The following ERCC2 variants were observed in gnomAD, a reference collection of about 807,000 sequenced individuals.
ERCC2 encodes general transcription and DNA repair factor IIH helicase subunit XPD.
ERCC2 carries 90 observed loss-of-function variants against 99.4 expected under a neutral mutation model. That is an observed-to-expected ratio of 0.91 (90% confidence interval 0.76 to 1.08). The LOEUF is 1.08. Among genes scored for constraint, ERCC2 ranks in the 50% least tolerant of loss-of-function variants. The pLI, the probability that ERCC2 is intolerant of heterozygous loss-of-function variation, is 0.00. For missense variants in ERCC2, 993 were observed against 1,038.1 expected (o/e 0.96, Z 0.60); for synonymous variants, 497 against 432.4 (o/e 1.15, Z -1.85).
intron 19 of ERCC2, 87 bp downstream of exon 19, chr19:45,352,996 T>C (rs1407339855): frequency 7.0e-7 from 1 of 1,438,510 alleles, no homozygotes; most frequent in African/African-American, 1.4e-5. Context: ...GGGTGGGTGG[T>C]TCCCCGCGGG....
chr19:45,370,195 C>T lies in ERCC2; in HGVS notation c.43G>A (p.Asp15Asn). 6.2e-7 allele frequency: 1 copy of T among 1,613,442 alleles called. No individual in the cohort carries two copies. The highest frequency in any genetic ancestry group is 8.5e-7 in the Non-Finnish European group (1 of 1,179,516). Residue 15 changes from aspartate to asparagine, a missense_variant, in exon 2 of 23, where the codon GAC (aspartate) becomes AAC (asparagine). Physicochemically the swap from Asp to Asn is conservative, Grantham distance 23. Around this residue, in one of 3 missense-constraint regions of ERCC2, gnomAD observed 55 missense variants for 45.1 expected, o/e 1.22. Transcript: ENST00000391945. ...VDGLLVYFPY[D>N]YIYPEQFSYM... is the part of the protein sequence containing the mutation. Reference sequence around the variant, plus strand: ...GAGAACTGCTCGGGGTAGATGTAGTCGTACGGGAAGTAGACCAGGAGCCCG... The same window carrying T: ...GAGAACTGCTCGGGGTAGATGTAGTTGTACGGGAAGTAGACCAGGAGCCCG...
At chr19:45,355,880 C>T in intron 15 of ERCC2, 152 bp from the exon 16 acceptor site, 1 of 707,206 alleles carries the variant, frequency 1.4e-6, no homozygotes, top group Non-Finnish European at 2.5e-6. Context: ...ATCTTGAACA[C>T]CTGGCCTCAA....
chr19:45,350,355 G>GA lies in ERCC2; in HGVS notation c.*1273dup. 6.2e-7 allele frequency: 1 copy of GA among 1,613,282 alleles called. No individual in the cohort carries two copies. The highest frequency in any genetic ancestry group is 8.5e-7 in the Non-Finnish European group (1 of 1,179,906). The stretch of plus-strand genomic sequence containing the variant: ...CTTCTCCGCAGGCCTCAGCCTACCT[G>GA]AAACAGAACAAGTATCAACAAGCGG... On this transcript the variant is annotated 3_prime_UTR_variant, in exon 23 of 23. Transcript: ENST00000391945.
Position 45,351,537 on chromosome 19 carries a change from C to T in ERCC2, c.*92G>A, listed in dbSNP as rs1377342205. 3 of 1,604,594 alleles carry T rather than the reference C, an allele frequency of 1.9e-6. No homozygotes were observed. The highest frequency in any genetic ancestry group is 2.7e-5 in the African/African-American group (2 of 74,906). The stretch of plus-strand genomic sequence containing the variant: ...GACAGTGAGAAATGTCACCTGACTT[C>T]ATAAGACCTTCTAGCACCACCGCCG... On this transcript the variant is annotated 3_prime_UTR_variant, in exon 23 of 23. Transcript: ENST00000391945.
chr19:45,351,682 G>A lies in ERCC2; in HGVS notation c.2230C>T (p.Leu744=), dbSNP rs377064581. ...LGLSLLSLEQ[L]ESEETLKRIE... Reference sequence around the variant, plus strand: ...CTCTTCAGCGTCTCCTCTGATTCTAGCTGCTCCAGGCTGAGCAGGGACAGG... The same window carrying A: ...CTCTTCAGCGTCTCCTCTGATTCTAACTGCTCCAGGCTGAGCAGGGACAGG... Residue 744 remains leucine, a synonymous_variant, in exon 23 of 23, where the codon CTA becomes TTA. Coordinates refer to ENST00000391945, the MANE Select transcript of ERCC2 (RefSeq NM_000400.4). 6.2e-6 allele frequency: 10 copies of A among 1,613,840 alleles called. No individual in the cohort carries two copies. In the East Asian group the frequency reaches 2.0e-4, roughly 32 times the overall value.
At position 45,350,479 on chromosome 19, in the gene ERCC2, G is replaced by A. The variant is rs750726659; in HGVS notation, c.*1150C>T. The A allele has an allele frequency of 2.5e-6, 4 of 1,613,390 alleles. 1 individual carries two copies. The South Asian group carries it at 3.3e-5, about 13-fold the overall frequency. On this transcript the variant is annotated 3_prime_UTR_variant, in exon 23 of 23. Transcript: ENST00000391945. ...TCTTCCCTCCTGGTGGCTTCTCTAT[G>A]TCCCCATCTCAGTGTCCCCCATCTT...
At chr19:45,356,413 G>T (rs1972014525) in intron 15 of ERCC2, among the ~76,000 whole-genome samples, 1 of 152,162 alleles carries the variant, frequency 6.6e-6, no homozygotes, top group Admixed American at 6.5e-5. Context: ...ATCTTTTACT[G>T]CCGAAATGGG....
chr19:45,349,850 CATTT>C lies in ERCC2; in HGVS notation c.*1775_*1778del, dbSNP rs1456044283. The C allele has an allele frequency of 1.1e-5, 6 of 523,084 alleles. No individual in the cohort carries two copies. In the East Asian group the frequency reaches 1.3e-4, roughly 11 times the overall value. 32.4% of individuals were successfully genotyped at this position (523,084 alleles called of 1,614,324 possible). Reference sequence around the variant, plus strand: ...GGCAGGCACAGGTGGCAGCAGCAGACATTTATTGAGCTCACTGTGGCCGGCTCCC... The same window carrying C: ...GGCAGGCACAGGTGGCAGCAGCAGACATTGAGCTCACTGTGGCCGGCTCCC... On this transcript the variant is annotated 3_prime_UTR_variant, in exon 23 of 23. Coordinates refer to ENST00000391945, the MANE Select transcript of ERCC2 (RefSeq NM_000400.4).
At chr19:45,368,805 GCCAGGTC>G (rs1442565728) in intron 4 of ERCC2, 62 bp from the exon 5 acceptor site, 9 of 1,550,850 alleles carry the variant, frequency 5.8e-6, no homozygotes, top group Non-Finnish European at 8.0e-6. Flanking sequence ...CCCCTGCCCT[GCCAGGTC>G]CCAGTCTCTT....
intron 12 of ERCC2, chr19:45,358,794 T>G: frequency 1.3e-6 from 1 of 779,506 alleles, no homozygotes; most frequent in South Asian, 1.3e-5. Context: ...TCTGGAATTA[T>G]TTCCTTGTTT....
intron 12 of ERCC2, chr19:45,358,046 T>G: frequency 2.4e-6 from 1 of 413,210 alleles, no homozygotes; most frequent in South Asian, 2.4e-5. Flanking sequence ...CCATGACCTT[T>G]TCTTGTTTTT....
chr19:45,355,225 C>A (rs1971972954), intron 16 of ERCC2, among the ~76,000 whole-genome samples: 1 of 152,234 alleles, frequency 6.6e-6, no homozygotes, highest in African/African-American at 2.4e-5. Flanking sequence ...AGCGTGGCGG[C>A]AGAGGCCTGT....
In ERCC2 at chr19:45,361,748, T is replaced by C. The variant is rs1972229966; in HGVS notation, c.1119-106A>G. The C allele has an allele frequency of 8.4e-6, 7 of 833,886 alleles. 1 individual carries two copies. The highest frequency in any genetic ancestry group is 5.5e-5 in the South Asian group (4 of 72,358). 51.7% of individuals were successfully genotyped at this position (833,886 alleles called of 1,614,324 possible). A position where few individuals can be genotyped will look rare whatever the true frequency, so the allele number is the denominator to read the frequency against. On this transcript the variant is annotated intron_variant, in intron 11 of 22. Coordinates refer to ENST00000391945, the MANE Select transcript of ERCC2 (RefSeq NM_000400.4). ...GTCACGTGCCTGTCTCCCCAGCCAA[T>C]GAGCACTCAGTGAGGGTGGGCACTG...
In ERCC2 at chr19:45,369,150, G is replaced by C; in HGVS notation, c.106-3C>G. The C allele has an allele frequency of 1.2e-6, 2 of 1,613,612 alleles. No homozygotes were observed. Among genetic ancestry groups the C allele is most frequent in the South Asian group, 2.2e-5 (2 of 91,062 alleles). Reference sequence around the variant, plus strand: ...GGCATCTCCAGGACTCCATGACCCTGCATGTTGGGGACCAGAGGGGCAACA... The same window carrying C: ...GGCATCTCCAGGACTCCATGACCCTCCATGTTGGGGACCAGAGGGGCAACA... On this transcript the variant is annotated splice_region_variant and splice_polypyrimidine_tract_variant and intron_variant, in intron 2 of 22. Coordinates refer to ENST00000391945, the MANE Select transcript of ERCC2 (RefSeq NM_000400.4).
Position 45,352,223 on chromosome 19 carries a change from G to T in ERCC2, c.2176C>A (p.Gln726Lys). 1 of 1,613,984 alleles carries T rather than the reference G, an allele frequency of 6.2e-7. No homozygotes were observed. The highest frequency in any genetic ancestry group is 2.2e-5 in the East Asian group (1 of 44,888). ...VAKYFLRQMA[Q>K]PFHREDQLGL... ...GCAGGCCTCACCCGGTGGAAGGGCT[G>T]TGCCATCTGCCGCAGGAAGTACTTG... Residue 726 changes from glutamine to lysine, a missense_variant, in exon 22 of 23, where the codon CAG becomes AAG. Coordinates refer to ENST00000391945, the MANE Select transcript of ERCC2 (RefSeq NM_000400.4).
rs1971771011 is a variant in ERCC2 at position 45,351,434 on chromosome 19, TATC to T, written c.*192_*194del. The T allele has an allele frequency of 2.5e-6, 4 of 1,588,002 alleles. No homozygotes were observed. In the South Asian group the frequency reaches 4.4e-5, roughly 18 times the overall value. ...TGGGCTGGTGGGGTGAGAGGGGGTC[TATC>T]ATCTCCTGGCCCCCCCTTGCCTCTG... is the stretch of plus-strand genomic sequence containing the variant. On this transcript the variant is annotated 3_prime_UTR_variant, in exon 23 of 23. Coordinates refer to ENST00000391945, the MANE Select transcript of ERCC2 (RefSeq NM_000400.4).
At chr19:45,351,752 G>C in intron 22 of ERCC2, 31 bp from the exon 23 acceptor site, 1 of 1,597,444 alleles carries the variant, frequency 6.3e-7, no homozygotes, top group Non-Finnish European at 8.6e-7. Context: ...GGAGAGGGGG[G>C]CACTGTTGGG....
rs777237318 is a variant in ERCC2, at chr19:45,350,554, G to A, written c.*1075C>T. The stretch of plus-strand genomic sequence containing the variant: ...GCACAGCTGGTGACGCAGAACAGGT[G>A]AGGATGGGCTGTGCTTCGGCTCCTG... On this transcript the variant is annotated 3_prime_UTR_variant, in exon 23 of 23. Transcript: ENST00000391945. The A allele has an allele frequency of 2.5e-6, 4 of 1,613,982 alleles. No individual in the cohort carries two copies. The South Asian group carries it at 3.3e-5, about 13-fold the overall frequency.
At chr19:45,352,032 G>A (rs936789161) in intron 22 of ERCC2, among the ~76,000 whole-genome samples, 177 bp downstream of exon 22, 2 of 152,026 alleles carry the variant, frequency 1.3e-5, no homozygotes, top group African/African-American at 4.8e-5. Context: ...GGCATCTGTG[G>A]CCCCTCGAAT....
Sources: allele counts gnomAD v4.1 joint callset (sites outside exome capture counted in the v4.1 genomes callset), GRCh38; gene constraint gnomAD v4.1.1; regional missense constraint gnomAD v4.1.1; transcripts MANE v1.5; gene names NCBI Gene and HGNC (gene_info 2026-07-23, HGNC 2026-07-21).